Variants in TACR3 observed in about 807,000 individuals in gnomAD.
TACR3 encodes neuromedin-K receptor.
TACR3 carries 34 observed loss-of-function variants against 35.0 expected under a neutral mutation model. That is an observed-to-expected ratio of 0.97 (90% CI 0.74 to 1.30). The LOEUF (loss-of-function observed/expected upper bound fraction) is 1.30. Ranked by LOEUF, TACR3 falls within the 50% of genes most tolerant of loss-of-function variation. The probability of loss-of-function intolerance (pLI) is 0.00; values close to 1 mark genes in which losing one functional copy is unlikely to be tolerated. For synonymous variants in TACR3, 233 were observed against 221.1 expected (o/e 1.05, Z -0.48); for missense variants, 558 against 591.7 (o/e 0.94, Z 0.59).
intron 1 of TACR3, among the ~76,000 whole-genome samples, chr4:103,718,105 GT>G (rs979553427): frequency 6.6e-6 from 1 of 150,978 alleles, no homozygotes; most frequent in African/African-American, 2.5e-5. Context: ...GAAATAACCT[GT>G]TTTTTCTTAT....
At chr4:103,666,090 G>A (rs904941616) in intron 1 of TACR3, among the ~76,000 whole-genome samples, 1 of 152,030 alleles carries the variant, frequency 6.6e-6, no homozygotes, top group Non-Finnish European at 1.5e-5. Flanking sequence ...TAAACTGGTA[G>A]GTCTAGCTCA....
At chr4:103,712,723 C>G (rs1307984548) in intron 1 of TACR3, among the ~76,000 whole-genome samples, 1 of 152,176 alleles carries the variant, frequency 6.6e-6, no homozygotes, top group Non-Finnish European at 1.5e-5. Flanking sequence ...GCAATCTACT[C>G]ATCTGACAAA....
rs143588882 is a variant in TACR3, at chr4:103,659,980, A to G, written c.549-1577T>C. On this transcript the variant is annotated intron_variant, in intron 1 of 4. Transcript: ENST00000304883. ...TGGTCATTTTATGTTTATAGAATAT[A>G]TTTTGATTTATGAAAAATTTTCAGA... is the stretch of plus-strand genomic sequence containing the variant. Among the ~76,000 whole-genome samples, 651 of 152,266 alleles carry G rather than the reference A, an allele frequency of 4.3e-3. 2 individuals are homozygous for G. Among genetic ancestry groups the G allele is most frequent in the African/African-American group, 0.015 (621 of 41,582 alleles).
At chr4:103,613,923 G>T (rs1042087144) in intron 3 of TACR3, among the ~76,000 whole-genome samples, 8 of 152,092 alleles carry the variant, frequency 5.3e-5, no homozygotes, top group Non-Finnish European at 1.5e-5. Context: ...GACAGAAAGA[G>T]AATGAATGAG....
At chr4:103,663,412 T>C (rs2110332933) in intron 1 of TACR3, among the ~76,000 whole-genome samples, 1 of 152,288 alleles carries the variant, frequency 6.6e-6, no homozygotes. Flanking sequence ...GAGCATCTCT[T>C]GAGCCTGGCA....
intron 3 of TACR3, among the ~76,000 whole-genome samples, chr4:103,635,639 T>A (rs947144626): frequency 6.6e-6 from 1 of 152,044 alleles, no homozygotes; most frequent in African/African-American, 2.4e-5. Flanking sequence ...CCAACTAATA[T>A]TTATGCTTGA....
chr4:103,647,573 G>T (rs1298862609), intron 3 of TACR3, among the ~76,000 whole-genome samples: 2 of 151,754 alleles, frequency 1.3e-5, no homozygotes, highest in Admixed American at 1.3e-4. Context: ...AATTATCATT[G>T]AAAAAAATGA....
chr4:103,688,626 C>T (rs1170180876), intron 1 of TACR3, among the ~76,000 whole-genome samples: 7 of 150,458 alleles, frequency 4.7e-5, no homozygotes, highest in African/African-American at 1.2e-4. Context: ...GACATTTATG[C>T]AGCCAAAAAA....
At chr4:103,703,923 A>G (rs1283663593) in intron 1 of TACR3, among the ~76,000 whole-genome samples, 1 of 151,848 alleles carries the variant, frequency 6.6e-6, no homozygotes, top group Non-Finnish European at 1.5e-5. Flanking sequence ...ACACAGTGAA[A>G]CCCCATCTCT....
At chr4:103,669,619 A>G (rs886801946) in intron 1 of TACR3, among the ~76,000 whole-genome samples, 1 of 151,932 alleles carries the variant, frequency 6.6e-6, no homozygotes, top group Non-Finnish European at 1.5e-5. Flanking sequence ...TTTTTAATAT[A>G]CTTGTTGATG....
At chr4:103,606,300 C>T (rs1442577908) in intron 3 of TACR3, among the ~76,000 whole-genome samples, 28 of 150,628 alleles carry the variant, frequency 1.9e-4, no homozygotes, top group South Asian at 4.2e-4. Context: ...ATTGACTTGG[C>T]GATGCGGGCT....
intron 1 of TACR3, among the ~76,000 whole-genome samples, chr4:103,703,971 G>C (rs148819734): frequency 6.6e-6 from 1 of 151,844 alleles, no homozygotes; most frequent in Non-Finnish European, 1.5e-5. Flanking sequence ...GGGCGTGGTA[G>C]CAGGCGCCTC....
intron 3 of TACR3, among the ~76,000 whole-genome samples, chr4:103,626,464 C>G (rs1724894555): frequency 6.6e-6 from 1 of 151,998 alleles, no homozygotes; most frequent in Non-Finnish European, 1.5e-5. Flanking sequence ...AGACGTATAG[C>G]TGGTGTAACC....
At chr4:103,676,092 CATT>C (rs1273217215) in intron 1 of TACR3, among the ~76,000 whole-genome samples, 4 of 152,124 alleles carry the variant, frequency 2.6e-5, no homozygotes, top group Non-Finnish European at 5.9e-5. Context: ...GATTTCACCT[CATT>C]GTTCTAAATG....
At chr4:103,705,658 T>C (rs1047067365) in intron 1 of TACR3, among the ~76,000 whole-genome samples, 1 of 152,204 alleles carries the variant, frequency 6.6e-6, no homozygotes, top group African/African-American at 2.4e-5. Flanking sequence ...GGAAAGTGTC[T>C]CTGTAAAAGT....
intron 1 of TACR3, among the ~76,000 whole-genome samples, chr4:103,706,880 T>C (rs1722806175): frequency 6.6e-6 from 1 of 152,218 alleles, no homozygotes; most frequent in Non-Finnish European, 1.5e-5. Flanking sequence ...ATTACAACTT[T>C]GAGTTATCTG....
intron 1 of TACR3, among the ~76,000 whole-genome samples, chr4:103,712,918 C>T (rs1723003463): frequency 6.6e-6 from 1 of 152,200 alleles, no homozygotes; most frequent in African/African-American, 2.4e-5. Flanking sequence ...ATCAAAACCA[C>T]AATGACATAC....
chr4:103,655,636 A>T (rs1578245350), intron 3 of TACR3, among the ~76,000 whole-genome samples: 1 of 152,126 alleles, frequency 6.6e-6, no homozygotes, highest in East Asian at 1.9e-4. Context: ...TAAATTATAG[A>T]ATAGTATTAA....
chr4:103,696,563 TC>T (rs1560535341), intron 1 of TACR3, among the ~76,000 whole-genome samples: 1 of 152,190 alleles, frequency 6.6e-6, no homozygotes, highest in East Asian at 1.9e-4. Context: ...TGAATTATCT[TC>T]CAACATTTTA....
Sources: gnomAD v4.1 joint callset for allele counts (sites outside exome capture counted in the v4.1 genomes callset) on GRCh38, gnomAD v4.1.1 for gene constraint, MANE v1.5 for transcripts, NCBI Gene and HGNC (gene_info 2026-07-23, HGNC 2026-07-21) for gene names.